The following SNX29 variants were observed in gnomAD, a reference collection of about 807,000 sequenced individuals.
SNX29 encodes sorting nexin 29, also known as sorting nexin-29.
SNX29 carries 78 observed loss-of-function variants against 102.1 expected under a neutral mutation model. The ratio of observed to expected loss-of-function variants is 0.76; its 90% CI spans 0.64 to 0.92. SNX29 has a LOEUF of 0.92. Ranked by LOEUF, SNX29 falls within the 40% of genes least tolerant of loss-of-function variation. The pLI is 0.00. For missense variants in SNX29, 1,280 were observed against 1,061.7 expected, an observed-to-expected ratio of 1.21 and a Z score of -2.86; for synonymous variants, 580 against 414.5, an observed-to-expected ratio of 1.40 and a Z score of -4.85.
rs188145965 is a variant in SNX29 at position 12,568,456 on chromosome 16, A to G, written c.2319-50A>G. ...TGGCTCCCCTTCCTGGCCTGTGGTC[A>G]TTTGCTTTTCATCCCCAGACTTAAC... On this transcript the variant is annotated intron_variant, in intron 20 of 20. Coordinates refer to ENST00000566228, the MANE Select transcript of SNX29 (RefSeq NM_032167.5). 180 of 1,601,404 alleles carry G rather than the reference A, an allele frequency of 1.1e-4. 1 individual carries two copies. The African/African-American group carries it at 2.1e-3, about 19-fold the overall frequency.
intron 1 of SNX29, among the ~76,000 whole-genome samples, chr16:11,998,737 A>T (rs2056178402): frequency 6.6e-6 from 1 of 152,158 alleles, no homozygotes. Context: ...CTTTCTTCTC[A>T]TTGGCCAGAC....
chr16:12,267,546 A>AT (rs2078964643), intron 14 of SNX29, among the ~76,000 whole-genome samples: 1 of 151,816 alleles, frequency 6.6e-6, no homozygotes, highest in African/African-American at 2.4e-5. Flanking sequence ...CTGCCTGTGG[A>AT]TTTGTGTTTG....
At chr16:11,985,954 G>A (rs778247679) in intron 1 of SNX29, among the ~76,000 whole-genome samples, 1 of 151,230 alleles carries the variant, frequency 6.6e-6, no homozygotes, top group Non-Finnish European at 1.5e-5. Context: ...CGCCTCGAGC[G>A]CCACCATGCC....
intron 18 of SNX29, among the ~76,000 whole-genome samples, chr16:12,470,550 C>T (rs756570775): frequency 3.7e-4 from 56 of 152,086 alleles, no homozygotes; most frequent in Admixed American, 1.3e-3. Context: ...GTCAGAAGCC[C>T]GGGGAACGCT....
intron 3 of SNX29, among the ~76,000 whole-genome samples, chr16:12,026,836 C>G (rs2057204746): frequency 6.6e-6 from 1 of 152,098 alleles, no homozygotes; most frequent in Admixed American, 6.5e-5. Context: ...GAGCATGTAA[C>G]AGGCCATGAA....
At position 12,555,810 on chromosome 16, in the gene SNX29, C is replaced by CAAGA. The variant is rs1325206545; in HGVS notation, c.2319-12692_2319-12689dup. On this transcript the variant is annotated intron_variant, in intron 20 of 20. Transcript: ENST00000566228. ...GCAGGCACACTCCTGCCTGCCTCTGCAAGAAAGGTGCTCCAGCTGACTGAC... is the reference window on the plus strand; with the variant it reads ...GCAGGCACACTCCTGCCTGCCTCTGCAAGAAAGAAAGGTGCTCCAGCTGACTGAC... Among the ~76,000 whole-genome samples, 11 of 151,882 alleles carry CAAGA rather than the reference C, an allele frequency of 7.2e-5. No homozygotes were observed. The East Asian group carries it at 7.7e-4, about 11-fold the overall frequency.
At chr16:12,512,126 C>T (rs1407411615) in intron 19 of SNX29, among the ~76,000 whole-genome samples, 2 of 151,668 alleles carry the variant, frequency 1.3e-5, no homozygotes, top group East Asian at 3.9e-4. Flanking sequence ...CTTCGTGGTA[C>T]AGGCAGCAAC....
intron 20 of SNX29, among the ~76,000 whole-genome samples, chr16:12,551,921 C>G (rs118029916): frequency 1.3e-5 from 2 of 152,190 alleles, no homozygotes; most frequent in African/African-American, 2.4e-5. Context: ...CCCTACCACA[C>G]AGAGCCACTG....
chr16:12,290,269 A>T (rs2079749524), intron 15 of SNX29, among the ~76,000 whole-genome samples: 1 of 152,072 alleles, frequency 6.6e-6, no homozygotes, highest in Non-Finnish European at 1.5e-5. Flanking sequence ...TTCCTTTCTC[A>T]AATGCACGTG....
At chr16:12,081,360 A>C (rs2051865044) in intron 11 of SNX29, 1 of 152,326 alleles carries the variant, frequency 6.6e-6, no homozygotes, top group South Asian at 2.1e-4. Context: ...CCCTTTTGGA[A>C]GTGCTTCTCC....
chr16:12,455,324 C>T (rs575226561), intron 18 of SNX29, among the ~76,000 whole-genome samples: 255 of 152,292 alleles, frequency 1.7e-3, no homozygotes, highest in African/African-American at 5.9e-3. Context: ...GACCCTGGGT[C>T]TACCCCATCA....
intron 19 of SNX29, among the ~76,000 whole-genome samples, chr16:12,480,485 A>G (rs980087679): frequency 6.6e-6 from 1 of 152,076 alleles, no homozygotes; most frequent in Non-Finnish European, 1.5e-5. Context: ...AGATCATCCA[A>G]ATTAATCCCC....
At chr16:12,342,183 A>T (rs1341126922) in intron 15 of SNX29, among the ~76,000 whole-genome samples, 2 of 152,224 alleles carry the variant, frequency 1.3e-5, no homozygotes, top group Non-Finnish European at 2.9e-5. Context: ...CACTGCGTAT[A>T]TCATGGGGAT....
Position 12,090,473 on chromosome 16 carries a change from C to T in SNX29, c.1402+11558C>T, listed in dbSNP as rs577784802. On this transcript the variant is annotated intron_variant, in intron 11 of 20. Coordinates refer to ENST00000566228, the MANE Select transcript of SNX29 (RefSeq NM_032167.5). ...GGCGTTGCTCCAGGGAGGCCAGTTCCTCTTGAAGTCACATCTGGAGACCCC... is the reference window on the plus strand; with the variant it reads ...GGCGTTGCTCCAGGGAGGCCAGTTCTTCTTGAAGTCACATCTGGAGACCCC... Among the ~76,000 whole-genome samples, 3 of 152,302 alleles carry T rather than the reference C, an allele frequency of 2.0e-5. No individual in the cohort carries two copies. The South Asian group carries it at 6.2e-4, about 32-fold the overall frequency.
intron 18 of SNX29, among the ~76,000 whole-genome samples, chr16:12,408,557 A>G (rs1313150741): frequency 6.6e-6 from 1 of 152,250 alleles, no homozygotes; most frequent in African/African-American, 2.4e-5. Flanking sequence ...GCAGTGGCCC[A>G]TGCCTGTAAT....
rs191719658 is a variant in SNX29, at chr16:12,439,540, G to A, written c.2037+36011G>A. On this transcript the variant is annotated intron_variant, in intron 18 of 20. Coordinates refer to ENST00000566228, the MANE Select transcript of SNX29 (RefSeq NM_032167.5). The stretch of plus-strand genomic sequence containing the variant: ...CACATGGTGGCAGACAAGAGAATGA[G>A]AGCCAAGCGAAAGGGGTTTCCCCTC... Among the ~76,000 whole-genome samples, 112 of 152,310 alleles carry A rather than the reference G, an allele frequency of 7.4e-4. 1 individual carries two copies. Among genetic ancestry groups the A allele is most frequent in the African/African-American group, 2.6e-3 (109 of 41,562 alleles).
At chr16:12,403,074 C>G (rs1268421616) in intron 17 of SNX29, among the ~76,000 whole-genome samples, 1 of 152,138 alleles carries the variant, frequency 6.6e-6, no homozygotes, top group Non-Finnish European at 1.5e-5. Flanking sequence ...TGATCGCGTC[C>G]TTGGGGCTTC....
At chr16:12,372,631 G>C (rs889698684) in intron 16 of SNX29, 3 of 152,146 alleles carry the variant, frequency 2.0e-5, no homozygotes, top group African/African-American at 7.2e-5. Flanking sequence ...GAATTCTGTA[G>C]GTATCAAGTA....
At chr16:12,523,329 G>A (rs1281567509) in intron 19 of SNX29, among the ~76,000 whole-genome samples, 3 of 152,224 alleles carry the variant, frequency 2.0e-5, no homozygotes, top group African/African-American at 7.2e-5. Flanking sequence ...CGTCGTCATA[G>A]AACATTCCTC....
Sources: gnomAD v4.1 joint callset for allele counts (sites outside exome capture counted in the v4.1 genomes callset) on GRCh38, gnomAD v4.1.1 for gene constraint, MANE v1.5 for transcripts, NCBI Gene and HGNC (gene_info 2026-07-23, HGNC 2026-07-21) for gene names.